The following WDR19 variants were observed in gnomAD, a reference collection of about 807,000 sequenced individuals.
The protein encoded by WDR19 is WD repeat-containing protein 19.
Under a neutral mutation model 180.0 loss-of-function variants are expected in WDR19, and 121 were observed. The ratio of observed to expected loss-of-function variants is 0.67; its 90% CI spans 0.58 to 0.78. WDR19 has a LOEUF of 0.78. WDR19 is among the 30% of genes least tolerant of loss of function. The pLI is 0.00. For missense variants in WDR19, 1,450 were observed against 1,640.7 expected (o/e 0.88, Z 2.01); for synonymous variants, 497 against 540.7 (o/e 0.92, Z 1.12).
rs770729864 is a variant in WDR19, at chr4:39,245,385, C to A, written c.2662C>A (p.Leu888Ile). 1.2e-6 allele frequency: 2 copies of A among 1,613,552 alleles called. No individual in the cohort carries two copies. Among genetic ancestry groups the A allele is most frequent in the East Asian group, 2.2e-5 (1 of 44,858 alleles). ...RSKNWAKVGD[L>I]LPHVSSPKIH... Reference sequence around the variant, plus strand: ...CCTTTCCAGGGCAAAAGTTGGTGATCTTCTGCCCCACGTTTCTTCTCCTAA... The same window carrying A: ...CCTTTCCAGGGCAAAAGTTGGTGATATTCTGCCCCACGTTTCTTCTCCTAA... The change falls in exon 24 of 37, where the codon CTT (leucine) becomes ATT (isoleucine). Residue 888 changes from leucine (L) to isoleucine (I), a missense_variant. Leu to Ile is a conservative substitution (Grantham distance 5). Coordinates refer to ENST00000399820, the MANE Select transcript of WDR19 (RefSeq NM_025132.4).
chr4:39,206,913 T>C (rs1195599856), intron 9 of WDR19, among the ~76,000 whole-genome samples: 1 of 152,148 alleles, frequency 6.6e-6, no homozygotes, highest in Non-Finnish European at 1.5e-5. Context: ...ATTAACCTTC[T>C]CCATGGGATT....
At chr4:39,236,092 A>G (rs1206872982) in intron 20 of WDR19, among the ~76,000 whole-genome samples, 2 of 152,230 alleles carry the variant, frequency 1.3e-5, no homozygotes, top group Admixed American at 1.3e-4. Flanking sequence ...TCAAAGAACT[A>G]AAACTAGAAC....
chr4:39,222,972 A>G (rs1412146567), intron 14 of WDR19, among the ~76,000 whole-genome samples: 1 of 152,186 alleles, frequency 6.6e-6, no homozygotes, highest in African/African-American at 2.4e-5. Context: ...ACAGTATGCA[A>G]TATTTTGAGA....
intron 4 of WDR19, among the ~76,000 whole-genome samples, chr4:39,190,375 C>G (rs1726024847): frequency 6.6e-6 from 1 of 152,132 alleles, no homozygotes. Context: ...CTTGGGCAGA[C>G]AGAATAAATG....
chr4:39,278,496 T>G, intron 35 of WDR19, 43 bp from the exon 36 acceptor site: 8 of 1,483,700 alleles, frequency 5.4e-6, no homozygotes, highest in Non-Finnish European at 6.5e-6. Flanking sequence ...GCTAAAGGAA[T>G]GTTATATATT....
chr4:39,233,330 T>C (rs1049738696), intron 19 of WDR19, among the ~76,000 whole-genome samples: 2 of 152,160 alleles, frequency 1.3e-5, no homozygotes, highest in African/African-American at 4.8e-5. Context: ...GGGCATAGAC[T>C]TCACAGTCAG....
At chr4:39,256,347 T>C (rs1733758989) in intron 27 of WDR19, among the ~76,000 whole-genome samples, 1 of 152,130 alleles carries the variant, frequency 6.6e-6, no homozygotes, top group South Asian at 2.1e-4. Flanking sequence ...AAGGCAGGGG[T>C]TACAGTGTCC....
intron 34 of WDR19, 66 bp from the exon 35 acceptor site, chr4:39,278,065 A>AG: frequency 1.4e-6 from 2 of 1,417,350 alleles, no homozygotes; most frequent in South Asian, 2.6e-5. Context: ...AAAAAAAAAA[A>AG]AATTGACTAA....
intron 10 of WDR19, among the ~76,000 whole-genome samples, chr4:39,215,494 A>G (rs1035930021): frequency 5.3e-5 from 8 of 152,264 alleles, no homozygotes; most frequent in African/African-American, 1.9e-4. Context: ...AGGCTATACC[A>G]TATAGCCTAG....
In WDR19 at chr4:39,217,330, G is replaced by A. The variant is rs1011530814; in HGVS notation, c.1356+90G>A. 3.7e-6 allele frequency: 4 copies of A among 1,089,748 alleles called. No individual in the cohort carries two copies. The African/African-American group carries it at 6.3e-5, about 17-fold the overall frequency. 67.5% of individuals were successfully genotyped at this position (1,089,748 alleles called of 1,614,324 possible). The stretch of plus-strand genomic sequence containing the variant: ...TCAAGAATATTGGTCAGGAAGCAAG[G>A]ATGTACAGACTAACTAGAAAGCCAA... On this transcript the variant is annotated intron_variant, in intron 13 of 36. Transcript: ENST00000399820.
intron 20 of WDR19, among the ~76,000 whole-genome samples, chr4:39,240,045 C>T (rs558440885): frequency 3.3e-5 from 5 of 151,864 alleles, no homozygotes; most frequent in South Asian, 2.1e-4. Flanking sequence ...GGCATGGTGG[C>T]GCATGCCTAT....
intron 15 of WDR19, among the ~76,000 whole-genome samples, chr4:39,225,649 A>G (rs1451006051): frequency 2.0e-5 from 3 of 152,214 alleles, no homozygotes; most frequent in African/African-American, 7.2e-5. Flanking sequence ...AATTCACATA[A>G]GCTACAGCTG....
At chr4:39,202,058 T>C (rs1727424418) in intron 6 of WDR19, among the ~76,000 whole-genome samples, 1 of 152,214 alleles carries the variant, frequency 6.6e-6, no homozygotes, top group African/African-American at 2.4e-5. Flanking sequence ...AAGATTGTTA[T>C]CCTTTGTCAA....
chr4:39,228,592 C>G lies in WDR19; in HGVS notation c.1884C>G (p.Asn628Lys). The change falls in exon 17 of 37, where the codon AAC (asparagine) becomes AAG (lysine). Residue 628 changes from asparagine to lysine, a missense_variant. Asn to Lys is a moderately conservative substitution (Grantham distance 94). Transcript: ENST00000399820. ...LTCQTQSGKV[N>K]NIYLSTHGFL... ...GCCAAACACAGAGTGGAAAAGTAAA[C>G]AACATCTACCTTAGCACCCATGGCT... 1 of 1,613,862 alleles carries G rather than the reference C, an allele frequency of 6.2e-7. No homozygotes were observed. The highest frequency in any genetic ancestry group is 8.5e-7 in the Non-Finnish European group (1 of 1,179,810).
At chr4:39,284,021 A>G (rs886636917) in intron 36 of WDR19, among the ~76,000 whole-genome samples, 1 of 152,194 alleles carries the variant, frequency 6.6e-6, no homozygotes, top group Non-Finnish European at 1.5e-5. Flanking sequence ...TTTGGTTTCC[A>G]GAATTTTGAC....
At chr4:39,218,339 A>G in intron 14 of WDR19, 1 of 564,616 alleles carries the variant, frequency 1.8e-6, no homozygotes. Context: ...GTGTGCTTAC[A>G]GGAACCTAGA....
intron 12 of WDR19, among the ~76,000 whole-genome samples, chr4:39,216,618 A>T (rs1729094243): frequency 6.6e-6 from 1 of 152,178 alleles, no homozygotes; most frequent in African/African-American, 2.4e-5. Flanking sequence ...TGGCACAGTG[A>T]CTTTTTTTAA....
At chr4:39,256,635 CAG>C (rs1733787953) in intron 27 of WDR19, among the ~76,000 whole-genome samples, 1 of 152,188 alleles carries the variant, frequency 6.6e-6, no homozygotes. Context: ...ATTCAGCCTA[CAG>C]GCCACCACCA....
At chr4:39,198,732 G>T (rs1727051095) in intron 5 of WDR19, among the ~76,000 whole-genome samples, 2 of 152,060 alleles carry the variant, frequency 1.3e-5, no homozygotes, top group South Asian at 4.1e-4. Context: ...AGGTGCGGTG[G>T]CTCACGCCTG....
Sources: gnomAD v4.1 joint callset for allele counts (sites outside exome capture counted in the v4.1 genomes callset) on GRCh38, gnomAD v4.1.1 for gene constraint, MANE v1.5 for transcripts, NCBI Gene and HGNC (gene_info 2026-07-23, HGNC 2026-07-21) for gene names.